Variants in ERI3 observed in about 807,000 individuals in gnomAD.
ERI3 encodes ERI1 exoribonuclease family member 3, also known as ERI1 exoribonuclease 3.
In ERI3, 18 loss-of-function variants were observed where a neutral mutation model predicts 44.4. That is an observed-to-expected ratio of 0.41 (90% CI 0.28 to 0.60). The LOEUF (loss-of-function observed/expected upper bound fraction) is 0.60, where lower values mean the gene tolerates loss of function less well. Among genes scored for constraint, ERI3 ranks in the 20% least tolerant of loss-of-function variants. The pLI is 0.36. For missense variants in ERI3, 294 were observed against 435.5 expected, an observed-to-expected ratio of 0.68 and a Z score of 2.89; for synonymous variants, 183 against 164.8, an observed-to-expected ratio of 1.11 and a Z score of -0.84.
intron 3 of ERI3, among the ~76,000 whole-genome samples, chr1:44,329,356 T>C (rs1022442978): frequency 6.6e-6 from 1 of 152,176 alleles, no homozygotes; most frequent in African/African-American, 2.4e-5. Context: ...CCATCAACCA[T>C]GAATTTCCTT....
At chr1:44,322,759 C>T (rs1400406648) in intron 3 of ERI3, 1 of 1,550,142 alleles carries the variant, frequency 6.5e-7, no homozygotes, top group South Asian at 1.2e-5. Flanking sequence ...TTCCATACTT[C>T]CCAGAACCTC....
At chr1:44,285,773 C>T (rs1007827846) in intron 6 of ERI3, among the ~76,000 whole-genome samples, 2 of 152,092 alleles carry the variant, frequency 1.3e-5, no homozygotes, top group Non-Finnish European at 2.9e-5. Flanking sequence ...CAAAAAAAGC[C>T]TTAAGTTGGA....
At chr1:44,248,702 A>AGAGAGTGTGT (rs1553183708) in intron 7 of ERI3, among the ~76,000 whole-genome samples, 3 of 148,380 alleles carry the variant, frequency 2.0e-5, no homozygotes, top group African/African-American at 7.5e-5. Flanking sequence ...TGTGAGAGAG[A>AGAGAGTGTGT]GTGTGTGTGT....
chr1:44,337,741 C>T (rs749131562), intron 3 of ERI3, among the ~76,000 whole-genome samples: 5 of 152,104 alleles, frequency 3.3e-5, no homozygotes, highest in Admixed American at 6.5e-5. Context: ...AATAATTTAC[C>T]ATTTTGAAGA....
chr1:44,299,710 A>G (rs1409137849), intron 6 of ERI3, among the ~76,000 whole-genome samples: 3 of 152,104 alleles, frequency 2.0e-5, no homozygotes, highest in Admixed American at 6.5e-5. Flanking sequence ...TTCAAAATAC[A>G]AAAGAGTAGA....
chr1:44,276,150 C>A lies in ERI3; in HGVS notation c.831+8685G>T, dbSNP rs1226114773. Among the ~76,000 whole-genome samples, 3 of 152,192 alleles carry A rather than the reference C, an allele frequency of 2.0e-5. No individual in the cohort carries two copies. In the South Asian group the frequency reaches 6.2e-4, roughly 32 times the overall value. On this transcript the variant is annotated intron_variant, in intron 7 of 8. Coordinates refer to ENST00000372257, the MANE Select transcript of ERI3 (RefSeq NM_024066.3). ...AACTCACTCACATCCCTCACTCCTG[C>A]CCCAGGGAGGACATTAAACTATTCA...
At chr1:44,275,798 C>T (rs1276014610) in intron 7 of ERI3, among the ~76,000 whole-genome samples, 3 of 152,130 alleles carry the variant, frequency 2.0e-5, no homozygotes, top group Non-Finnish European at 4.4e-5. Context: ...CCCTGTCTGC[C>T]AGGACTGACT....
chr1:44,279,494 G>A (rs1474868053), intron 7 of ERI3, among the ~76,000 whole-genome samples: 1 of 152,158 alleles, frequency 6.6e-6, no homozygotes, highest in East Asian at 1.9e-4. Context: ...CCAAAGCACT[G>A]GGATTACAGG....
intron 3 of ERI3, among the ~76,000 whole-genome samples, chr1:44,321,599 G>GTGT (rs1269908616): frequency 6.6e-6 from 1 of 152,208 alleles, no homozygotes; most frequent in African/African-American, 2.4e-5. Flanking sequence ...CAACTCTGAG[G>GTGT]TGTTGCCCAT....
chr1:44,342,815 ATATATATATATATATAT>A (rs1557867399), intron 2 of ERI3, among the ~76,000 whole-genome samples: 15 of 9,070 alleles, frequency 1.7e-3, no homozygotes, highest in African/African-American at 4.8e-3. Flanking sequence ...TCCAGCTAAT[ATATATATATATATATAT>A]ATATATATAT....
chr1:44,290,391 C>T (rs1338738988), intron 6 of ERI3, among the ~76,000 whole-genome samples: 2 of 152,310 alleles, frequency 1.3e-5, no homozygotes, highest in Non-Finnish European at 1.5e-5. Flanking sequence ...CACAGGGACA[C>T]CTGTGAGGGG....
At chr1:44,284,943 C>T (rs773982929) in intron 6 of ERI3, 36 bp from the exon 7 acceptor site, 2 of 1,561,472 alleles carry the variant, frequency 1.3e-6, no homozygotes, top group Non-Finnish European at 1.8e-6. Context: ...AAGTTGGGCG[C>T]ATCCATGTCC....
At chr1:44,259,788 G>T (rs563796849) in intron 7 of ERI3, among the ~76,000 whole-genome samples, 2 of 151,764 alleles carry the variant, frequency 1.3e-5, no homozygotes, top group African/African-American at 4.9e-5. Context: ...AGGTGAGTGG[G>T]AGAATCCCTT....
intron 8 of ERI3, among the ~76,000 whole-genome samples, chr1:44,239,216 G>A (rs754296825): frequency 2.0e-5 from 3 of 152,180 alleles, no homozygotes; most frequent in Non-Finnish European, 4.4e-5. Flanking sequence ...GGGACAGTAG[G>A]TGCTTATGTG....
intron 2 of ERI3, among the ~76,000 whole-genome samples, chr1:44,345,864 G>A (rs924962072): frequency 1.3e-5 from 2 of 152,202 alleles, no homozygotes; most frequent in African/African-American, 4.8e-5. Context: ...GGTTCACACT[G>A]CAAGAAATAG....
At chr1:44,351,054 G>A (rs1646880312) in intron 2 of ERI3, among the ~76,000 whole-genome samples, 1 of 146,234 alleles carries the variant, frequency 6.8e-6, no homozygotes, top group Non-Finnish European at 1.5e-5. Flanking sequence ...TTTTTTTTGA[G>A]ACAGAGTCTT....
At chr1:44,310,960 C>CGCGT (rs1553195233) in intron 5 of ERI3, among the ~76,000 whole-genome samples, 1 of 81,790 alleles carries the variant, frequency 1.2e-5, no homozygotes, top group Non-Finnish European at 2.4e-5. Flanking sequence ...ATCGCGCGCG[C>CGCGT]GCGCACACAC....
chr1:44,335,352 C>A (rs1646511788), intron 3 of ERI3, among the ~76,000 whole-genome samples: 1 of 146,884 alleles, frequency 6.8e-6, no homozygotes, highest in South Asian at 2.2e-4. Context: ...AAGACTCTGT[C>A]TCAAAAAAAA....
intron 6 of ERI3, among the ~76,000 whole-genome samples, chr1:44,297,769 C>T (rs1047278988): frequency 2.6e-5 from 4 of 152,206 alleles, no homozygotes; most frequent in Non-Finnish European, 5.9e-5. Flanking sequence ...GATTGGCAAG[C>T]GCTGACAAAA....
Sources: gnomAD v4.1 joint callset for allele counts (sites outside exome capture counted in the v4.1 genomes callset) on GRCh38, gnomAD v4.1.1 for gene constraint, MANE v1.5 for transcripts, NCBI Gene and HGNC (gene_info 2026-07-23, HGNC 2026-07-21) for gene names.